The following MAGI2 variants were observed in gnomAD, a reference collection of about 807,000 sequenced individuals.
MAGI2 encodes membrane-associated guanylate kinase, WW and PDZ domain-containing protein 2.
MAGI2 carries 35 observed loss-of-function variants against 133.3 expected under a neutral mutation model. The ratio of observed to expected loss-of-function variants is 0.26; its 90% confidence interval spans 0.20 to 0.35. The LOEUF is 0.35. Among genes scored for constraint, MAGI2 ranks in the 10% least tolerant of loss-of-function variants. The pLI is 1.00. For missense variants in MAGI2, 1,636 were observed against 1,863.4 expected (o/e 0.88, Z 2.25); for synonymous variants, 729 against 710.6 (o/e 1.03, Z -0.41).
chr7:78,168,514 T>C (rs963671416), intron 14 of MAGI2, among the ~76,000 whole-genome samples: 2 of 152,202 alleles, frequency 1.3e-5, no homozygotes, highest in African/African-American at 4.8e-5. Flanking sequence ...AAAATTCTAA[T>C]CCCAAATAAT....
chr7:78,407,192 C>T (rs988550151), intron 6 of MAGI2, among the ~76,000 whole-genome samples: 9 of 151,918 alleles, frequency 5.9e-5, no homozygotes, highest in African/African-American at 1.9e-4. Context: ...AGGAAGGATC[C>T]GAAGTCATGC....
At chr7:78,566,705 G>C (rs1800981044) in intron 3 of MAGI2, among the ~76,000 whole-genome samples, 1 of 152,048 alleles carries the variant, frequency 6.6e-6, no homozygotes, top group South Asian at 2.1e-4. Context: ...TTATTGAGAG[G>C]TTCCATCAGA....
intron 17 of MAGI2, 122 bp from the exon 18 acceptor site, chr7:78,133,182 C>T (rs188830882): frequency 1.2e-5 from 9 of 744,510 alleles, no homozygotes; most frequent in African/African-American, 1.8e-5. Context: ...TCCGTTTCTG[C>T]TAGGTTTTTA....
intron 1 of MAGI2, among the ~76,000 whole-genome samples, chr7:79,010,035 C>CAT (rs768188581): frequency 1.3e-5 from 2 of 151,814 alleles, no homozygotes; most frequent in African/African-American, 2.4e-5. Context: ...CTAAAACACA[C>CAT]ATATATATAT....
chr7:78,885,629 G>GTGTGTGTGTT (rs1796206843), intron 2 of MAGI2, among the ~76,000 whole-genome samples: 1 of 5,086 alleles, frequency 2.0e-4, no homozygotes, highest in South Asian at 0.045. Flanking sequence ...GAAAGGAATA[G>GTGTGTGTGTT]TGTGTGTGTG....
At chr7:79,334,992 A>G (rs1336373750) in intron 1 of MAGI2, among the ~76,000 whole-genome samples, 1 of 152,144 alleles carries the variant, frequency 6.6e-6, no homozygotes, top group Admixed American at 6.5e-5. Context: ...CTCTATGGTA[A>G]CATTCATGTT....
intron 2 of MAGI2, among the ~76,000 whole-genome samples, chr7:78,800,935 T>C (rs1788009864): frequency 6.6e-6 from 1 of 152,130 alleles, no homozygotes; most frequent in Non-Finnish European, 1.5e-5. Context: ...TTAACAGCCA[T>C]ATTTAAAGAA....
At chr7:79,076,687 T>C (rs955202182) in intron 1 of MAGI2, among the ~76,000 whole-genome samples, 2 of 152,368 alleles carry the variant, frequency 1.3e-5, no homozygotes, top group African/African-American at 4.8e-5. Context: ...CTGATGTTTC[T>C]TTTTGGAAGA....
At chr7:79,375,796 T>C (rs963315443) in intron 1 of MAGI2, among the ~76,000 whole-genome samples, 3 of 151,876 alleles carry the variant, frequency 2.0e-5, no homozygotes, top group African/African-American at 7.2e-5. Flanking sequence ...GAGGTTTGAG[T>C]TATCAAATTA....
At chr7:78,963,299 C>A (rs1803016995) in intron 2 of MAGI2, among the ~76,000 whole-genome samples, 2 of 152,062 alleles carry the variant, frequency 1.3e-5, no homozygotes, top group Non-Finnish European at 2.9e-5. Context: ...TTCCCTCCAA[C>A]AACTTAATAT....
chr7:78,471,193 T>C (rs1791169577), intron 6 of MAGI2, among the ~76,000 whole-genome samples: 1 of 152,154 alleles, frequency 6.6e-6, no homozygotes, highest in African/African-American at 2.4e-5. Context: ...TGATCTTTTA[T>C]AAGAGGAAAT....
intron 2 of MAGI2, among the ~76,000 whole-genome samples, chr7:78,828,029 C>T (rs1790816599): frequency 6.6e-6 from 1 of 152,250 alleles, no homozygotes; most frequent in Admixed American, 6.5e-5. Context: ...GGACTACAGG[C>T]ATGTGCCACC....
Position 78,566,134 on chromosome 7 carries a change from T to C in MAGI2, c.539-44489A>G, listed in dbSNP as rs990803865. Among the ~76,000 whole-genome samples the C allele has an allele frequency of 3.9e-4, 60 of 152,278 alleles. 1 individual carries two copies. The highest frequency in any genetic ancestry group is 3.2e-3 in the Admixed American group (49 of 15,300). Reference sequence around the variant, plus strand: ...GAGATGGCCCCGTTGATGACATCTCTTGGAAGTCGTTCCTTTATCTTATGC... The same window carrying C: ...GAGATGGCCCCGTTGATGACATCTCCTGGAAGTCGTTCCTTTATCTTATGC... On this transcript the variant is annotated intron_variant, in intron 3 of 21. Transcript: ENST00000354212.
At chr7:79,121,235 C>G (rs1455558252) in intron 1 of MAGI2, among the ~76,000 whole-genome samples, 2 of 151,884 alleles carry the variant, frequency 1.3e-5, no homozygotes, top group Non-Finnish European at 2.9e-5. Flanking sequence ...AAAACAGATC[C>G]CTAACATGGA....
At chr7:78,925,590 A>T (rs979058094) in intron 2 of MAGI2, among the ~76,000 whole-genome samples, 32 of 152,066 alleles carry the variant, frequency 2.1e-4, no homozygotes, top group African/African-American at 7.0e-4. Flanking sequence ...CTTTTATAAA[A>T]ATGGAATTTT....
chr7:78,648,043 GTAA>G (rs1350248762), intron 2 of MAGI2, among the ~76,000 whole-genome samples: 1 of 152,118 alleles, frequency 6.6e-6, no homozygotes, highest in Non-Finnish European at 1.5e-5. Flanking sequence ...AATACCTAAT[GTAA>G]ATGACAAGTT....
intron 1 of MAGI2, among the ~76,000 whole-genome samples, chr7:79,039,493 CA>C (rs1811423381): frequency 6.6e-6 from 1 of 151,538 alleles, no homozygotes; most frequent in Admixed American, 6.6e-5. Flanking sequence ...GCAACAAACA[CA>C]AAAACAGACA....
chr7:79,206,498 T>G (rs1044777506), intron 1 of MAGI2, among the ~76,000 whole-genome samples: 9 of 151,942 alleles, frequency 5.9e-5, no homozygotes, highest in Non-Finnish European at 1.3e-4. Flanking sequence ...TGACACATGC[T>G]ACCTACCAAG....
intron 2 of MAGI2, among the ~76,000 whole-genome samples, chr7:78,852,868 C>T (rs1793262151): frequency 1.3e-5 from 2 of 152,028 alleles, no homozygotes; most frequent in Non-Finnish European, 2.9e-5. Context: ...TAGTCAGTCT[C>T]AAGAAAATGG....
Sources: allele counts gnomAD v4.1 joint callset (sites outside exome capture counted in the v4.1 genomes callset), GRCh38; gene constraint gnomAD v4.1.1; transcripts MANE v1.5; gene names NCBI Gene and HGNC (gene_info 2026-07-23, HGNC 2026-07-21).